AGBL3: variants seen among roughly 807,000 people sequenced by gnomAD.
AGBL3 encodes the protein cytosolic carboxypeptidase 3.
A neutral mutation model predicts 94.5 loss-of-function variants in AGBL3; 68 were observed. The ratio of observed to expected loss-of-function variants is 0.72; its 90% CI spans 0.59 to 0.88. The LOEUF (loss-of-function observed/expected upper bound fraction) is 0.88. AGBL3 is among the 40% of genes least tolerant of loss of function. The probability of loss-of-function intolerance (pLI) is 0.00; values close to 1 mark genes in which losing one functional copy is unlikely to be tolerated. For missense variants in AGBL3, 934 were observed against 1,103.8 expected, an observed-to-expected ratio of 0.85 and a Z score of 2.18; for synonymous variants, 354 against 370.7, an observed-to-expected ratio of 0.95 and a Z score of 0.52.
intron 5 of AGBL3, among the ~76,000 whole-genome samples, chr7:135,017,818 T>C (rs2116232697): frequency 6.6e-6 from 1 of 152,260 alleles, no homozygotes; most frequent in South Asian, 2.1e-4. Flanking sequence ...CAGTAAGCAA[T>C]TCTAGAAATC....
At chr7:135,025,788 G>A (rs1815021789) in intron 5 of AGBL3, among the ~76,000 whole-genome samples, 1 of 151,592 alleles carries the variant, frequency 6.6e-6, no homozygotes, top group African/African-American at 2.4e-5. Context: ...CAGGAATCAC[G>A]ATTCTTATAT....
chr7:135,113,081 T>C (rs1825868556), intron 15 of AGBL3, among the ~76,000 whole-genome samples: 1 of 152,248 alleles, frequency 6.6e-6, no homozygotes, highest in Non-Finnish European at 1.5e-5. Context: ...CCGGCCTACA[T>C]TCAGTGAATG....
chr7:135,034,820 T>G lies in AGBL3; in HGVS notation c.1229T>G (p.Val410Gly), dbSNP rs781473544. Residue 410 changes from valine to glycine, a missense_variant, in exon 7 of 17, where the codon GTG becomes GGG. Transcript: ENST00000436302. ...VPMLNPDGVIVGNYRCSLAGR... is the reference protein window; with the variant it reads ...VPMLNPDGVIGGNYRCSLAGR... Reference sequence around the variant, plus strand: ...ATGCTCAATCCAGATGGTGTGATTGTGGGAAATTATCGCTGTTCCTTAGCT... The same window carrying G: ...ATGCTCAATCCAGATGGTGTGATTGGGGGAAATTATCGCTGTTCCTTAGCT... 14 of 1,552,058 alleles carry G rather than the reference T, an allele frequency of 9.0e-6. 1 individual carries two copies. The South Asian group carries it at 1.7e-4, about 18-fold the overall frequency.
rs763307521 is a variant in AGBL3, at chr7:135,076,463, C to A, written c.1975C>A (p.Gln659Lys). ...AGCAAGCCACCAAAATGCCAGAGGA[C>A]AAGAGGTAAATCTTCATTAATCTAG... The part of the protein sequence containing the change: ...TIASHQNARG[Q>K]EVYDRGHLLQ... The change falls in exon 13 of 17, where the codon CAA becomes AAA. Residue 659 changes from glutamine to lysine, a missense_variant. Coordinates refer to ENST00000436302, the MANE Select transcript of AGBL3 (RefSeq NM_178563.4). 23 of 1,544,712 alleles carry A rather than the reference C, an allele frequency of 1.5e-5. No individual in the cohort carries two copies. Among genetic ancestry groups the A allele is most frequent in the Non-Finnish European group, 1.8e-5 (20 of 1,141,394 alleles).
At chr7:135,024,303 T>A (rs1407049220) in intron 5 of AGBL3, among the ~76,000 whole-genome samples, 1 of 152,206 alleles carries the variant, frequency 6.6e-6, no homozygotes, top group East Asian at 1.9e-4. Flanking sequence ...AAAAGAGCCC[T>A]ATGGCTAAGA....
intron 11 of AGBL3, among the ~76,000 whole-genome samples, chr7:135,056,033 T>TA (rs1416579462): frequency 1.3e-5 from 2 of 152,154 alleles, no homozygotes; most frequent in Admixed American, 1.3e-4. Flanking sequence ...TCATCTAAGC[T>TA]ATAAAATTTA....
At chr7:135,011,488 A>G (rs993926692) in intron 4 of AGBL3, 1 of 150,446 alleles carries the variant, frequency 6.6e-6, no homozygotes, top group African/African-American at 2.4e-5. Flanking sequence ...TTGGGAGAAT[A>G]TATTAATATT....
intron 11 of AGBL3, among the ~76,000 whole-genome samples, chr7:135,047,082 GA>G (rs1817438921): frequency 6.6e-6 from 1 of 151,934 alleles, no homozygotes; most frequent in Non-Finnish European, 1.5e-5. Context: ...CCACCCTCTA[GA>G]AACCACCATT....
At chr7:135,116,206 G>A (rs1563282414) in intron 16 of AGBL3, among the ~76,000 whole-genome samples, 1 of 152,082 alleles carries the variant, frequency 6.6e-6, no homozygotes, top group Non-Finnish European at 1.5e-5. Context: ...TTTTACACAT[G>A]AGAAAACTGA....
intron 5 of AGBL3, among the ~76,000 whole-genome samples, chr7:135,023,755 C>T (rs920854328): frequency 6.6e-6 from 1 of 152,206 alleles, no homozygotes; most frequent in Non-Finnish European, 1.5e-5. Context: ...TTCAGGCCCT[C>T]CTGCCCGCTA....
At chr7:135,074,878 T>C (rs1483394294) in intron 12 of AGBL3, among the ~76,000 whole-genome samples, 1 of 152,222 alleles carries the variant, frequency 6.6e-6, no homozygotes, top group African/African-American at 2.4e-5. Flanking sequence ...TGGTCAGATA[T>C]TGATTATGTG....
At chr7:135,128,360 C>A in intron 16 of AGBL3, 6 of 325,826 alleles carry the variant, frequency 1.8e-5, no homozygotes, top group East Asian at 6.9e-5. Flanking sequence ...TGTAAACTGT[C>A]ATGGCCCTGG....
At chr7:135,134,253 A>G (rs911440104) in intron 16 of AGBL3, among the ~76,000 whole-genome samples, 2 of 152,100 alleles carry the variant, frequency 1.3e-5, no homozygotes, top group African/African-American at 4.8e-5. Context: ...TCTCAAATGC[A>G]GTTAAGTCTA....
chr7:135,111,739 C>T (rs1463788271), intron 15 of AGBL3, among the ~76,000 whole-genome samples: 2 of 152,138 alleles, frequency 1.3e-5, no homozygotes, highest in African/African-American at 4.8e-5. Flanking sequence ...TAGGACATCA[C>T]CTCTGCCTAA....
At position 134,993,998 on chromosome 7, in the gene AGBL3, G is replaced by A. The variant is rs187933290; in HGVS notation, c.310+320G>A. ...AATTGAGATCAGCCACATTTCAAGT[G>A]TTCAGTAGCCACATGGGCTTAAATG... On this transcript the variant is annotated intron_variant, in intron 4 of 16. Transcript: ENST00000436302. Among the ~76,000 whole-genome samples, 75 of 152,348 alleles carry A rather than the reference G, an allele frequency of 4.9e-4. 1 individual carries two copies. The highest frequency in any genetic ancestry group is 1.7e-3 in the African/African-American group (69 of 41,574).
intron 15 of AGBL3, chr7:135,094,443 G>T (rs1036306294): frequency 3.9e-5 from 18 of 456,510 alleles, no homozygotes; most frequent in Admixed American, 1.6e-4. Flanking sequence ...TTAACAAATT[G>T]CCAGAGGCTG....
chr7:134,994,594 A>G (rs1810742812), intron 4 of AGBL3, among the ~76,000 whole-genome samples: 1 of 152,164 alleles, frequency 6.6e-6, no homozygotes, highest in African/African-American at 2.4e-5. Context: ...ATGGACACTC[A>G]TTGGTGAATA....
intron 12 of AGBL3, 100 bp from the exon 13 acceptor site, chr7:135,076,297 A>T (rs1274793144): frequency 1.1e-6 from 1 of 921,630 alleles, no homozygotes; most frequent in African/African-American, 1.7e-5. Context: ...AGTACTTCTC[A>T]TCTTCTTAGA....
chr7:134,994,557 CAT>C, intron 4 of AGBL3, among the ~76,000 whole-genome samples: 4 of 152,226 alleles, frequency 2.6e-5, no homozygotes, highest in Admixed American at 2.6e-4. Flanking sequence ...GGCACGCAAA[CAT>C]ATGTTATTGC....
Sources: gnomAD v4.1 joint callset for allele counts (sites outside exome capture counted in the v4.1 genomes callset) on GRCh38, gnomAD v4.1.1 for gene constraint, MANE v1.5 for transcripts, NCBI Gene and HGNC (gene_info 2026-07-23, HGNC 2026-07-21) for gene names.